The following HSD17B12 variants were observed in gnomAD, a reference collection of about 807,000 sequenced individuals.
HSD17B12 encodes hydroxysteroid 17-beta dehydrogenase 12.
A neutral mutation model predicts 39.3 loss-of-function variants in HSD17B12; 32 were observed. The ratio of observed to expected loss-of-function variants is 0.81; its 90% CI spans 0.61 to 1.09. HSD17B12 has a LOEUF of 1.09. HSD17B12 is among the 50% of genes least tolerant of loss of function. The probability of loss-of-function intolerance (pLI) is 0.00; values close to 1 mark genes in which losing one functional copy is unlikely to be tolerated. For missense variants in HSD17B12, 342 were observed against 382.9 expected (o/e 0.89, Z 0.89); for synonymous variants, 150 against 146.7 (o/e 1.02, Z -0.16).
intron 3 of HSD17B12, among the ~76,000 whole-genome samples, chr11:43,785,334 C>T (rs1950805736): frequency 6.6e-6 from 1 of 152,036 alleles, no homozygotes; most frequent in South Asian, 2.1e-4. Flanking sequence ...AGGTCCTTAC[C>T]TGGGAAAAAG....
intron 3 of HSD17B12, among the ~76,000 whole-genome samples, chr11:43,757,115 T>C (rs1950513470): frequency 6.6e-6 from 1 of 152,350 alleles, no homozygotes; most frequent in Non-Finnish European, 1.5e-5. Flanking sequence ...ATCACCTCTT[T>C]GGGAGGATAA....
chr11:43,654,717 G>A, the HSD17B12 span, among the ~76,000 whole-genome samples: 1 of 152,090 alleles, frequency 6.6e-6, no homozygotes, highest in East Asian at 1.9e-4. Flanking sequence ...GATGTGTGGT[G>A]TTATTTCTGA....
intron 1 of HSD17B12, among the ~76,000 whole-genome samples, chr11:43,731,813 C>T (rs908523602): frequency 4.6e-5 from 7 of 152,092 alleles, no homozygotes; most frequent in African/African-American, 1.4e-4. Flanking sequence ...AGAAAATGTA[C>T]ACATGTGCAA....
the HSD17B12 span, among the ~76,000 whole-genome samples, chr11:43,573,475 CAT>C: frequency 7.0e-3 from 1,061 of 152,260 alleles, 7 homozygotes; most frequent in Non-Finnish European, 0.011. Context: ...GGAGCAAAGA[CAT>C]TGAATCCACC....
the HSD17B12 span, among the ~76,000 whole-genome samples, chr11:43,597,908 T>C: frequency 6.6e-6 from 1 of 152,206 alleles, no homozygotes; most frequent in African/African-American, 2.4e-5. Context: ...GTGCTGGGAT[T>C]ACAGGCATCA....
chr11:43,703,919 C>T lies in HSD17B12; in HGVS notation c.160+22932C>T, dbSNP rs570732213. Among the ~76,000 whole-genome samples, 260 of 151,342 alleles carry T rather than the reference C, an allele frequency of 1.7e-3. 2 individuals are homozygous for T. The highest frequency in any genetic ancestry group is 1.6e-3 in the Non-Finnish European group (110 of 67,838). On this transcript the variant is annotated intron_variant, in intron 1 of 10. Coordinates refer to ENST00000278353, the MANE Select transcript of HSD17B12 (RefSeq NM_016142.3). ...CCATTTCATTTATTTCTGCTCTGAT[C>T]CTTATTTTTTATTTTCTTCTGCTAA...
chr11:43,855,241 A>T lies in HSD17B12; in HGVS notation c.932A>T (p.Lys311Met), dbSNP rs764378726. 1 of 1,597,950 alleles carries T rather than the reference A, an allele frequency of 6.3e-7. No homozygotes were observed. Among genetic ancestry groups the T allele is most frequent in the African/African-American group, 1.3e-5 (1 of 74,396 alleles). Reference sequence around the variant, plus strand: ...GCTCACTATCTGAAGAAAACCAAGAAGAACTAAGCATTGATAACTGCATTG... The same window carrying T: ...GCTCACTATCTGAAGAAAACCAAGATGAACTAAGCATTGATAACTGCATTG... ...TRAHYLKKTK[K>M]N The change falls in exon 11 of 11, where the codon AAG becomes ATG. Residue 311 changes from lysine to methionine, a missense_variant. By Grantham distance (95) the Lys-to-Met change is moderately conservative. Coordinates refer to ENST00000278353, the MANE Select transcript of HSD17B12 (RefSeq NM_016142.3).
the HSD17B12 span, among the ~76,000 whole-genome samples, chr11:43,581,718 G>A: frequency 2.6e-5 from 4 of 152,164 alleles, no homozygotes; most frequent in African/African-American, 7.2e-5. This position sits in a 1 kb window ranked among gnomAD's most constrained non-coding sequence, Gnocchi z 4.9. Context: ...AGCAGGTGGG[G>A]TGTGTGTGTT....
the HSD17B12 span, among the ~76,000 whole-genome samples, chr11:43,653,850 G>A: frequency 0.01 from 1,590 of 152,182 alleles, 21 homozygotes; most frequent in African/African-American, 0.037. Flanking sequence ...GAATAGTGCC[G>A]CAATAAACAT....
chr11:43,690,400 A>ATTTTTTTT (rs1565049826), intron 1 of HSD17B12, among the ~76,000 whole-genome samples: 4 of 27,164 alleles, frequency 1.5e-4, no homozygotes, highest in Non-Finnish European at 2.3e-4. Context: ...ATATATATAT[A>ATTTTTTTT]TATATTTTTT....
the HSD17B12 span, among the ~76,000 whole-genome samples, chr11:43,654,438 G>C: frequency 6.6e-6 from 1 of 152,006 alleles, no homozygotes; most frequent in Non-Finnish European, 1.5e-5. Context: ...TGATGCCATT[G>C]CTTTTGGTGT....
At chr11:43,695,642 G>A (rs1404886083) in intron 1 of HSD17B12, among the ~76,000 whole-genome samples, 2 of 151,858 alleles carry the variant, frequency 1.3e-5, no homozygotes, top group African/African-American at 2.4e-5. Flanking sequence ...TCTTAAAGAG[G>A]CAATAGACTG....
At chr11:43,557,239 G>C in the HSD17B12 span, among the ~76,000 whole-genome samples, 1 of 152,172 alleles carries the variant, frequency 6.6e-6, no homozygotes, top group Admixed American at 6.5e-5. Context: ...AGTGTTCTGT[G>C]GTTTGGGGGT....
At chr11:43,658,384 C>T in the HSD17B12 span, among the ~76,000 whole-genome samples, 1 of 152,144 alleles carries the variant, frequency 6.6e-6, no homozygotes, top group Non-Finnish European at 1.5e-5. Flanking sequence ...AGCCTTCTTC[C>T]CTCAACTTGT....
intron 9 of HSD17B12, among the ~76,000 whole-genome samples, chr11:43,845,231 G>A (rs896752105): frequency 6.6e-6 from 1 of 152,162 alleles, no homozygotes; most frequent in African/African-American, 2.4e-5. Context: ...TAATTCTCCC[G>A]CATTGGCTTC....
intron 1 of HSD17B12, among the ~76,000 whole-genome samples, chr11:43,721,415 G>A (rs973116099): frequency 6.6e-6 from 1 of 151,880 alleles, no homozygotes; most frequent in Non-Finnish European, 1.5e-5. Flanking sequence ...TCAGGAGATC[G>A]AGACCATCCT....
the HSD17B12 span, among the ~76,000 whole-genome samples, chr11:43,664,713 G>A: frequency 4.6e-5 from 7 of 152,028 alleles, no homozygotes; most frequent in African/African-American, 1.5e-4. Flanking sequence ...TTCATGCTTG[G>A]GGGTGCCCAC....
At chr11:43,705,758 CCTCTTTTTTTTTT>C (rs1565056129) in intron 1 of HSD17B12, among the ~76,000 whole-genome samples, 7 of 104,764 alleles carry the variant, frequency 6.7e-5, no homozygotes, top group African/African-American at 1.1e-4. Context: ...TTTCCTCTCT[CCTCTTTTTTTTTT>C]TTTTTTTTTT....
At chr11:43,783,616 C>T (rs1041711880) in intron 3 of HSD17B12, among the ~76,000 whole-genome samples, 1 of 151,364 alleles carries the variant, frequency 6.6e-6, no homozygotes, top group African/African-American at 2.4e-5. Flanking sequence ...TCCCTGTGTC[C>T]ATGTGTTCTC....
Sources: allele counts gnomAD v4.1 joint callset (sites outside exome capture counted in the v4.1 genomes callset), GRCh38; gene constraint gnomAD v4.1.1; non-coding constraint Gnocchi (gnomAD v3.1); transcripts MANE v1.5; gene names NCBI Gene and HGNC (gene_info 2026-07-23, HGNC 2026-07-21).